RIMS1: variants seen among roughly 807,000 people sequenced by gnomAD.
RIMS1 encodes regulating synaptic membrane exocytosis protein 1.
In RIMS1, 83 loss-of-function variants were observed where a neutral mutation model predicts 214.1. The ratio of observed to expected loss-of-function variants is 0.39; its 90% CI spans 0.32 to 0.47. The LOEUF (loss-of-function observed/expected upper bound fraction) is 0.47. Among genes scored for constraint, RIMS1 ranks in the 20% least tolerant of loss-of-function variants. The pLI, the probability that RIMS1 is intolerant of heterozygous loss-of-function variation, is 0.99. For missense variants in RIMS1, 2,050 were observed against 2,161.8 expected, an observed-to-expected ratio of 0.95 and a Z score of 1.03; for synonymous variants, 793 against 786.8, an observed-to-expected ratio of 1.01 and a Z score of -0.13.
At chr6:72,366,504 G>T (rs1401375804) in intron 29 of RIMS1, among the ~76,000 whole-genome samples, 3 of 152,134 alleles carry the variant, frequency 2.0e-5, no homozygotes, top group Non-Finnish European at 4.4e-5. Flanking sequence ...TGTTTAAAAT[G>T]TTGTGACTGT....
chr6:72,378,685 A>G (rs534388559), intron 29 of RIMS1, among the ~76,000 whole-genome samples: 1 of 152,246 alleles, frequency 6.6e-6, no homozygotes, highest in East Asian at 1.9e-4. Context: ...TAATAATAAT[A>G]GTAATTAGCC....
chr6:72,215,556 G>T (rs1369315523), intron 6 of RIMS1, among the ~76,000 whole-genome samples: 1 of 152,160 alleles, frequency 6.6e-6, no homozygotes, highest in South Asian at 2.1e-4. Context: ...GATAAGTGTT[G>T]TTGATTTTTC....
At chr6:72,324,081 G>T (rs1017965915) in intron 28 of RIMS1, among the ~76,000 whole-genome samples, 5 of 137,644 alleles carry the variant, frequency 3.6e-5, no homozygotes, top group African/African-American at 1.1e-4. Flanking sequence ...GATAGATAGA[G>T]AACAAAGAGA....
intron 3 of RIMS1, among the ~76,000 whole-genome samples, chr6:72,098,851 C>A (rs1167871075): frequency 6.6e-6 from 1 of 152,156 alleles, no homozygotes; most frequent in Non-Finnish European, 1.5e-5. Flanking sequence ...TATAGGCAAT[C>A]ATCATATGCC....
chr6:72,398,686 T>C (rs1396978901), intron 32 of RIMS1, among the ~76,000 whole-genome samples: 1 of 152,176 alleles, frequency 6.6e-6, no homozygotes, highest in Non-Finnish European at 1.5e-5. Context: ...ACAATGAGCT[T>C]TAAGATATAA....
chr6:71,909,448 T>C (rs1776271030), intron 1 of RIMS1, among the ~76,000 whole-genome samples: 3 of 152,186 alleles, frequency 2.0e-5, no homozygotes, highest in African/African-American at 7.2e-5. Context: ...CTGAATTCTG[T>C]GGGGCAAATT....
At chr6:72,199,259 T>A (rs541093235) in intron 6 of RIMS1, among the ~76,000 whole-genome samples, 1 of 152,096 alleles carries the variant, frequency 6.6e-6, no homozygotes, top group Non-Finnish European at 1.5e-5. Context: ...AAAAAAATCC[T>A]TGTCCAAATG....
At chr6:72,153,288 AT>A (rs2043986289) in intron 4 of RIMS1, among the ~76,000 whole-genome samples, 2 of 150,834 alleles carry the variant, frequency 1.3e-5, no homozygotes, top group African/African-American at 2.4e-5. Context: ...ATTTTTTTTC[AT>A]CTTCAAATTC....
intron 4 of RIMS1, among the ~76,000 whole-genome samples, chr6:72,123,731 CTTCT>C (rs1311121338): frequency 1.3e-5 from 2 of 151,726 alleles, no homozygotes; most frequent in Non-Finnish European, 2.9e-5. Flanking sequence ...ATGTAATGGC[CTTCT>C]TTGTCTCTTT....
intron 2 of RIMS1, among the ~76,000 whole-genome samples, chr6:72,059,204 C>T (rs1393875125): frequency 6.6e-6 from 1 of 152,094 alleles, no homozygotes; most frequent in Admixed American, 6.6e-5. Flanking sequence ...ATAACTATGA[C>T]AGGTTTCTGC....
intron 26 of RIMS1, among the ~76,000 whole-genome samples, chr6:72,302,029 C>G (rs1268196396): frequency 6.6e-6 from 1 of 151,538 alleles, no homozygotes; most frequent in Non-Finnish European, 1.5e-5. Context: ...TAACAATACC[C>G]TATTGAAATA....
At chr6:72,042,609 A>G (rs17569339) in intron 2 of RIMS1, among the ~76,000 whole-genome samples, 17,420 of 151,808 alleles carry the variant, frequency 0.11, 1,187 homozygotes, top group South Asian at 0.17. Context: ...AATTTTTCCA[A>G]ATTACTAACA....
At chr6:72,007,335 A>G (rs1252934316) in intron 2 of RIMS1, among the ~76,000 whole-genome samples, 1 of 152,214 alleles carries the variant, frequency 6.6e-6, no homozygotes, top group Non-Finnish European at 1.5e-5. Context: ...CATCACCATC[A>G]TCAAAGACCA....
chr6:72,166,236 TGAGAGA>T (rs567933630), intron 4 of RIMS1, among the ~76,000 whole-genome samples: 2 of 147,584 alleles, frequency 1.4e-5, no homozygotes, highest in Admixed American at 6.8e-5. Flanking sequence ...ACATACACAG[TGAGAGA>T]GAGAGAGACA....
chr6:72,073,548 A>G (rs1282964783), intron 2 of RIMS1, among the ~76,000 whole-genome samples: 1 of 152,098 alleles, frequency 6.6e-6, no homozygotes, highest in Non-Finnish European at 1.5e-5. Context: ...TATCTCCACC[A>G]TTTTTCTTTC....
At chr6:71,962,932 TCACTTTACACTTCTAGTTTAG>T (rs137921520) in intron 1 of RIMS1, among the ~76,000 whole-genome samples, 3,076 of 152,250 alleles carry the variant, frequency 0.02, 101 homozygotes, top group African/African-American at 0.069. Flanking sequence ...GGTCTTAAGG[TCACTTTACACTTCTAGTTTAG>T]CCAGCTCAAT....
chr6:71,948,160 T>G (rs1788443823), intron 1 of RIMS1, among the ~76,000 whole-genome samples: 1 of 152,158 alleles, frequency 6.6e-6, no homozygotes, highest in African/African-American at 2.4e-5. Flanking sequence ...AAATATTCAT[T>G]TAGTTCATTT....
intron 28 of RIMS1, among the ~76,000 whole-genome samples, chr6:72,326,622 A>G (rs7747152): frequency 0.015 from 2,283 of 151,838 alleles, 55 homozygotes; most frequent in African/African-American, 0.051. Context: ...ATGGCATGTC[A>G]TCGTTTAATT....
intron 2 of RIMS1, among the ~76,000 whole-genome samples, chr6:72,096,744 A>C (rs780258772): frequency 1.3e-5 from 2 of 152,224 alleles, no homozygotes; most frequent in South Asian, 2.1e-4. Flanking sequence ...GTTCAGTGCT[A>C]ATAAGCAAAA....
Sources: allele counts gnomAD v4.1 joint callset (sites outside exome capture counted in the v4.1 genomes callset), GRCh38; gene constraint gnomAD v4.1.1; transcripts MANE v1.5; gene names NCBI Gene and HGNC (gene_info 2026-07-23, HGNC 2026-07-21).